The following EDEM2 variants were observed in gnomAD, a reference collection of about 807,000 sequenced individuals.
The protein encoded by EDEM2 is ER degradation enhancing alpha-mannosidase like protein 2, also known as ER degradation-enhancing alpha-mannosidase-like protein 2.
A neutral mutation model predicts 64.8 loss-of-function variants in EDEM2; 39 were observed. The observed-to-expected ratio is 0.60, with a 90% confidence interval of 0.47 to 0.79. EDEM2 has a LOEUF of 0.79. Among genes scored for constraint, EDEM2 ranks in the 30% least tolerant of loss-of-function variants. The probability of loss-of-function intolerance (pLI) is 0.00; values close to 1 mark genes in which losing one functional copy is unlikely to be tolerated. For synonymous variants in EDEM2, 296 were observed against 291.5 expected, an observed-to-expected ratio of 1.02 and a Z score of -0.16; for missense variants, 609 against 731.3, an observed-to-expected ratio of 0.83 and a Z score of 1.93.
intron 4 of EDEM2, among the ~76,000 whole-genome samples, chr20:35,141,191 T>A (rs1490056074): frequency 7.0e-6 from 1 of 143,470 alleles, no homozygotes. Flanking sequence ...AGTGCAAATA[T>A]ATCAGTAATT....
intron 5 of EDEM2, 61 bp from the exon 6 acceptor site, chr20:35,135,010 C>A (rs558643248): frequency 1.9e-6 from 3 of 1,540,534 alleles, no homozygotes; most frequent in Non-Finnish European, 2.7e-6. Flanking sequence ...AGTTCTGATA[C>A]ACGCCCAAAG....
chr20:35,146,902 G>C lies in EDEM2; in HGVS notation c.141C>G (p.Tyr47Ter), dbSNP rs1481594426. Residue 47 changes from tyrosine (Y) to a stop codon, truncating the protein, a stop_gained, in exon 2 of 11, where the codon TAC becomes TAG. Transcript: ENST00000374492. LOFTEE classifies it high-confidence loss of function. ...ERVKAMFYHA[Y>*]DSYLENAFPF... ...GAAAGGCATTCTCCAGGTAGCTGTC[G>C]TAGGCGTGGTAGAACATGGCCTTGA... 1 of 1,614,096 alleles carries C rather than the reference G, an allele frequency of 6.2e-7. No homozygotes were observed. Among genetic ancestry groups the C allele is most frequent in the Admixed American group, 1.7e-5 (1 of 60,018 alleles).
chr20:35,138,351 C>T (rs181621669), intron 4 of EDEM2, among the ~76,000 whole-genome samples: 66 of 152,170 alleles, frequency 4.3e-4, no homozygotes, highest in South Asian at 2.9e-3. Flanking sequence ...CTACTGTCCC[C>T]TCTTCGTATG....
At chr20:35,145,067 A>G (rs1291441383) in intron 2 of EDEM2, 49 bp from the exon 3 acceptor site, 2 of 1,598,580 alleles carry the variant, frequency 1.3e-6, no homozygotes, top group Non-Finnish European at 8.6e-7. Flanking sequence ...ATCAAATACC[A>G]GATATTATGG....
intron 6 of EDEM2, 36 bp downstream of exon 6, chr20:35,134,702 C>T: frequency 6.2e-7 from 1 of 1,609,274 alleles, no homozygotes; most frequent in Non-Finnish European, 8.5e-7. Flanking sequence ...GCCTCGTAAG[C>T]AGGGACTCAA....
chr20:35,126,436 T>G, intron 7 of EDEM2, 61 bp from the exon 8 acceptor site: 1 of 1,593,544 alleles, frequency 6.3e-7, no homozygotes, highest in Admixed American at 1.7e-5. Flanking sequence ...AAGGCAGGCC[T>G]GGACAGCGGA....
chr20:35,140,814 G>A (rs904282236), intron 4 of EDEM2, among the ~76,000 whole-genome samples: 2 of 152,010 alleles, frequency 1.3e-5, no homozygotes, highest in Non-Finnish European at 2.9e-5. Flanking sequence ...ACAGAATAAA[G>A]GAACATAAAG....
chr20:35,129,206 A>G (rs938419407), intron 7 of EDEM2, among the ~76,000 whole-genome samples: 5 of 152,218 alleles, frequency 3.3e-5, no homozygotes, highest in Non-Finnish European at 7.3e-5. Context: ...CAGGAGTTCA[A>G]GACCAGCCCG....
In EDEM2 at chr20:35,147,181, G is replaced by T. The variant is rs199925808; in HGVS notation, c.78C>A (p.Asp26Glu). The change falls in exon 1 of 11, where the codon GAC becomes GAA. Residue 26 changes from aspartate to glutamate, a missense_variant. Asp to Glu is a conservative substitution (Grantham distance 45). Coordinates refer to ENST00000374492, the MANE Select transcript of EDEM2 (RefSeq NM_018217.3). ...LPQHHGAPGP[D>E]GSAPDPAHYR... is the part of the protein sequence containing the mutation. ...AGTGGGCGGGATCTGGCGCGGAGCC[G>T]TCGGGACCTGGCGCACCATGGTGCT... The T allele has an allele frequency of 1.4e-5, 23 of 1,602,522 alleles. No homozygotes were observed. The African/African-American group carries it at 2.8e-4, about 20-fold the overall frequency.
At chr20:35,127,897 C>A (rs1290866751) in intron 7 of EDEM2, among the ~76,000 whole-genome samples, 2 of 152,180 alleles carry the variant, frequency 1.3e-5, no homozygotes, top group African/African-American at 4.8e-5. Context: ...AAAGATATCA[C>A]AGCTGTTGTA....
intron 5 of EDEM2, among the ~76,000 whole-genome samples, chr20:35,137,181 G>A (rs958805260): frequency 7.9e-5 from 12 of 152,158 alleles, no homozygotes; most frequent in Non-Finnish European, 1.3e-4. Context: ...ACTTTGGGAG[G>A]CCGAGGCAGC....
Position 35,142,548 on chromosome 20 carries a change from C to A in EDEM2, c.259-70G>T. ...GGAGGCAGATTCAGAGTCTGGGATC[C>A]TATGTTGATGTGGCCCTCACTAATT... is the stretch of plus-strand genomic sequence containing the variant. On this transcript the variant is annotated intron_variant, in intron 3 of 10. Coordinates refer to ENST00000374492, the MANE Select transcript of EDEM2 (RefSeq NM_018217.3). The A allele has an allele frequency of 6.6e-6, 8 of 1,204,782 alleles. No individual in the cohort carries two copies. In the South Asian group the frequency reaches 1.0e-4, roughly 15 times the overall value. The allele number at this position is 1,204,782 out of a possible 1,614,324, so 74.6% of individuals were successfully genotyped here.
chr20:35,146,617 C>T (rs2085735552), intron 2 of EDEM2, among the ~76,000 whole-genome samples: 1 of 152,204 alleles, frequency 6.6e-6, no homozygotes, highest in Admixed American at 6.5e-5. Context: ...CCAGCCCACC[C>T]GGCTAATCCA....
In EDEM2 at chr20:35,139,510, C is replaced by T. The variant is rs962174827; in HGVS notation, c.365-1505G>A. Among the ~76,000 whole-genome samples, 3 of 151,200 alleles carry T rather than the reference C, an allele frequency of 2.0e-5. No individual in the cohort carries two copies. The Admixed American group carries it at 2.0e-4, about 10-fold the overall frequency. On this transcript the variant is annotated intron_variant, in intron 4 of 10. Transcript: ENST00000374492. ...TTAAAAATACAAAAAATTAGCCGGGCATGGCGTTGTGCGCCTGTAGTCCCA... is the reference window on the plus strand; with the variant it reads ...TTAAAAATACAAAAAATTAGCCGGGTATGGCGTTGTGCGCCTGTAGTCCCA...
At chr20:35,133,298 G>A (rs983428256) in intron 6 of EDEM2, among the ~76,000 whole-genome samples, 3 of 152,038 alleles carry the variant, frequency 2.0e-5, no homozygotes, top group Non-Finnish European at 4.4e-5. Context: ...GAGACCCACA[G>A]GCAAAGAGGC....
intron 7 of EDEM2, among the ~76,000 whole-genome samples, chr20:35,129,567 T>C (rs749422113): frequency 8.0e-6 from 1 of 125,768 alleles, no homozygotes; most frequent in Admixed American, 7.4e-5. Flanking sequence ...CAAGACTCTA[T>C]CTCAAAAAAA....
At position 35,128,398 on chromosome 20, in the gene EDEM2, C is replaced by A. The variant is rs1400760731; in HGVS notation, c.845-2023G>T. ...ACTCTGTCTCCAAAAAAAATAAAAA[C>A]AAAAACAAAAATTAGCTGGGCGTAG... On this transcript the variant is annotated intron_variant, in intron 7 of 10. Coordinates refer to ENST00000374492, the MANE Select transcript of EDEM2 (RefSeq NM_018217.3). 4.8e-5 allele frequency among the ~76,000 whole-genome samples: 7 copies of A among 145,184 alleles called. 1 individual carries two copies. The highest frequency in any genetic ancestry group is 1.8e-4 in the African/African-American group (7 of 38,486).
intron 3 of EDEM2, among the ~76,000 whole-genome samples, chr20:35,144,176 TG>T (rs900381058): frequency 6.6e-6 from 1 of 152,216 alleles, no homozygotes. Flanking sequence ...CCCAAAGTGC[TG>T]GGATTACAGG....
intron 9 of EDEM2, among the ~76,000 whole-genome samples, chr20:35,121,814 A>C (rs2085373314): frequency 1.3e-5 from 2 of 149,156 alleles, no homozygotes; most frequent in African/African-American, 4.9e-5. Context: ...TTTTTTTTGG[A>C]GACAGGGTCT....
Sources: allele counts gnomAD v4.1 joint callset (sites outside exome capture counted in the v4.1 genomes callset), GRCh38; gene constraint gnomAD v4.1.1; transcripts MANE v1.5; gene names NCBI Gene and HGNC (gene_info 2026-07-23, HGNC 2026-07-21).